The following SLC9A4 variants were observed in gnomAD, a reference collection of about 807,000 sequenced individuals.
SLC9A4 encodes solute carrier family 9 member A4.
In SLC9A4, 63 loss-of-function variants were observed where a neutral mutation model predicts 67.4. The observed-to-expected ratio is 0.93, with a 90% CI of 0.76 to 1.15. The LOEUF is 1.15. SLC9A4 is among the 50% of genes most tolerant of loss of function. SLC9A4 has a pLI of 0.00. For missense variants in SLC9A4, 1,089 were observed against 987.7 expected (o/e 1.10, Z -1.38); for synonymous variants, 393 against 367.2 (o/e 1.07, Z -0.80).
rs750513259 is a variant in SLC9A4 at position 102,532,451 on chromosome 2, GA to G, written c.2162del (p.Lys721ArgfsTer20). The G allele has an allele frequency of 1.1e-5, 18 of 1,614,096 alleles. No homozygotes were observed. The highest frequency in any genetic ancestry group is 2.7e-5 in the African/African-American group (2 of 74,938). On this transcript the variant is annotated frameshift_variant, in exon 12 of 12. Coordinates refer to ENST00000295269, the MANE Select transcript of SLC9A4 (RefSeq NM_001011552.4). LOFTEE classifies it low-confidence loss of function (END_TRUNC). ...CAATGAAGAGCCTACACAGAGGAAG[GA>G]AGGCATTCAGCTTTGGTTATCAAAG... is the stretch of plus-strand genomic sequence containing the variant. The part of the protein sequence containing the change: ...IPMKSLHRGR[K>X]AFSFGYQRNT...
In SLC9A4 at chr2:102,533,740, G is replaced by A. The variant is rs1044253319; in HGVS notation, c.*1052G>A. ...TTCCCACCTATGAGTGAGAATATGCGGTGTTTGGTTTTTTGTTCTTGGGAT... is the reference window on the plus strand; with the variant it reads ...TTCCCACCTATGAGTGAGAATATGCAGTGTTTGGTTTTTTGTTCTTGGGAT... On this transcript the variant is annotated 3_prime_UTR_variant, in exon 12 of 12. Transcript: ENST00000295269. 5.4e-5 allele frequency: 8 copies of A among 147,876 alleles called. No homozygotes were observed. The highest frequency in any genetic ancestry group is 4.0e-4 in the East Asian group (2 of 4,976). 9.2% of individuals were successfully genotyped at this position (147,876 alleles called of 1,614,324 possible).
chr2:102,512,625 C>T (rs911256729), intron 7 of SLC9A4, among the ~76,000 whole-genome samples: 6 of 152,190 alleles, frequency 3.9e-5, no homozygotes, highest in Admixed American at 3.3e-4. Flanking sequence ...AGAAAGGGAG[C>T]TTGGTGCCTC....
At chr2:102,502,233 A>C (rs1684957061) in intron 2 of SLC9A4, among the ~76,000 whole-genome samples, 1 of 152,164 alleles carries the variant, frequency 6.6e-6, no homozygotes, top group Non-Finnish European at 1.5e-5. Flanking sequence ...TTCAGGACCT[A>C]GATCATAGTT....
At chr2:102,480,971 G>C (rs1684450084) in intron 2 of SLC9A4, among the ~76,000 whole-genome samples, 1 of 152,166 alleles carries the variant, frequency 6.6e-6, no homozygotes, top group Non-Finnish European at 1.5e-5. Flanking sequence ...GTGCTCCCTG[G>C]TTCTCACAGG....
At chr2:102,517,986 G>T (rs951804987) in intron 8 of SLC9A4, among the ~76,000 whole-genome samples, 1 of 152,136 alleles carries the variant, frequency 6.6e-6, no homozygotes, top group Non-Finnish European at 1.5e-5. Context: ...AGTATTTCAG[G>T]GACGATTTTG....
chr2:102,531,380 G>A (rs1333157231), intron 11 of SLC9A4, among the ~76,000 whole-genome samples: 2 of 152,172 alleles, frequency 1.3e-5, no homozygotes, highest in Non-Finnish European at 2.9e-5. Context: ...ACAAGACAAT[G>A]TCCCAGGCAT....
chr2:102,499,560 GC>G (rs1684880636), intron 2 of SLC9A4, among the ~76,000 whole-genome samples: 2 of 152,174 alleles, frequency 1.3e-5, no homozygotes, highest in Non-Finnish European at 2.9e-5. Context: ...TGTGTCTGTT[GC>G]TTGTGTGTCT....
intron 2 of SLC9A4, among the ~76,000 whole-genome samples, chr2:102,487,005 A>G (rs1419225865): frequency 1.3e-5 from 2 of 152,208 alleles, no homozygotes; most frequent in African/African-American, 4.8e-5. Context: ...CAAGTGCTTT[A>G]TCTGTGAGGC....
chr2:102,487,671 T>C (rs1238198691), intron 2 of SLC9A4, among the ~76,000 whole-genome samples: 1 of 152,250 alleles, frequency 6.6e-6, no homozygotes, highest in Non-Finnish European at 1.5e-5. Context: ...TAGACTACAC[T>C]GTGAGCTACC....
intron 2 of SLC9A4, among the ~76,000 whole-genome samples, chr2:102,488,979 T>C (rs1006656597): frequency 5.3e-5 from 8 of 152,184 alleles, no homozygotes; most frequent in Admixed American, 6.5e-5. Context: ...CTACTTAGGG[T>C]CAGACACTGC....
intron 2 of SLC9A4, among the ~76,000 whole-genome samples, chr2:102,502,599 T>C (rs1365223898): frequency 1.3e-5 from 2 of 152,134 alleles, no homozygotes; most frequent in Non-Finnish European, 2.9e-5. Context: ...GGAGAAGGTG[T>C]GGACTGGCCA....
chr2:102,489,723 C>T (rs1483432773), intron 2 of SLC9A4, among the ~76,000 whole-genome samples: 1 of 152,226 alleles, frequency 6.6e-6, no homozygotes, highest in East Asian at 1.9e-4. Flanking sequence ...CATGGATGAA[C>T]ACCTTGTTTA....
At chr2:102,501,905 G>A (rs1377036594) in intron 2 of SLC9A4, among the ~76,000 whole-genome samples, 1 of 151,916 alleles carries the variant, frequency 6.6e-6, no homozygotes, top group Non-Finnish European at 1.5e-5. Context: ...GGTGCAGCAT[G>A]AGGGGCCACA....
At chr2:102,481,220 A>C (rs6747752) in intron 2 of SLC9A4, among the ~76,000 whole-genome samples, 16,346 of 152,148 alleles carry the variant, frequency 0.11, 1,151 homozygotes, top group African/African-American at 0.2. Context: ...AGGCCCTGGA[A>C]CACAGTCGTC....
Position 102,532,371 on chromosome 2 carries a change from AGC to A in SLC9A4, c.2083_2084del (p.Ala695MetfsTer61), listed in dbSNP as rs762106684. On this transcript the variant is annotated frameshift_variant, in exon 12 of 12. Transcript: ENST00000295269. LOFTEE classifies it low-confidence loss of function (END_TRUNC). ...TCCAGGATCCCCATCCATCACGTTC[AGC>A]GCATGCTCTCGGATAGGGTCACTTC... ...SDPGSPSITFSACSRIGSLQK... is the reference protein window; with the variant it reads ...SDPGSPSITFXACSRIGSLQK... 14 of 1,614,044 alleles carry A rather than the reference AGC, an allele frequency of 8.7e-6. No individual in the cohort carries two copies. Among genetic ancestry groups the A allele is most frequent in the African/African-American group, 1.3e-5 (1 of 74,936 alleles).
intron 11 of SLC9A4, 118 bp downstream of exon 11, chr2:102,526,464 A>G (rs933954246): frequency 1.1e-5 from 9 of 814,314 alleles, no homozygotes; most frequent in Non-Finnish European, 1.7e-5. Context: ...CATGATAAGA[A>G]AAAGAAGAAA....
chr2:102,532,639 A>G lies in SLC9A4; in HGVS notation c.2348A>G (p.His783Arg). 2 of 1,614,090 alleles carry G rather than the reference A, an allele frequency of 1.2e-6. No homozygotes were observed. The highest frequency in any genetic ancestry group is 1.7e-6 in the Non-Finnish European group (2 of 1,180,004). Reference protein sequence around the residue: ...VRSRWTADHGHGRDHHRSHSP... With the variant: ...VRSRWTADHGRGRDHHRSHSP... ...TCGAGGTGGACAGCTGACCATGGAC[A>G]CGGCAGGGACCATCACAGGTCCCAT... is the stretch of plus-strand genomic sequence containing the variant. The change falls in exon 12 of 12, where the codon CAC becomes CGC. Residue 783 changes from histidine to arginine, a missense_variant. Coordinates refer to ENST00000295269, the MANE Select transcript of SLC9A4 (RefSeq NM_001011552.4).
chr2:102,527,015 A>T (rs538554371), intron 11 of SLC9A4, among the ~76,000 whole-genome samples: 11 of 152,326 alleles, frequency 7.2e-5, no homozygotes, highest in African/African-American at 2.6e-4. Context: ...ACGTAAACTA[A>T]ACATAAAGGA....
chr2:102,508,525 C>T (rs182992170), intron 5 of SLC9A4, among the ~76,000 whole-genome samples: 42 of 152,254 alleles, frequency 2.8e-4, no homozygotes, highest in African/African-American at 9.6e-4. Context: ...ATAGTCACTC[C>T]ATATTTCTGA....
Sources: allele counts gnomAD v4.1 joint callset (sites outside exome capture counted in the v4.1 genomes callset), GRCh38; gene constraint gnomAD v4.1.1; transcripts MANE v1.5; gene names NCBI Gene and HGNC (gene_info 2026-07-23, HGNC 2026-07-21).